Variants in EIF2D observed in about 807,000 individuals in gnomAD.
EIF2D encodes the protein eukaryotic translation initiation factor 2D.
EIF2D carries 56 observed loss-of-function variants against 77.4 expected under a neutral mutation model. The ratio of observed to expected loss-of-function variants is 0.72; its 90% confidence interval spans 0.58 to 0.90. The LOEUF (loss-of-function observed/expected upper bound fraction) is 0.90, where lower values mean the gene tolerates loss of function less well. Ranked by LOEUF, EIF2D falls within the 40% of genes least tolerant of loss-of-function variation. The probability of loss-of-function intolerance (pLI) is 0.00; values close to 1 mark genes in which losing one functional copy is unlikely to be tolerated. For synonymous variants in EIF2D, 230 were observed against 271.0 expected, an observed-to-expected ratio of 0.85 and a Z score of 1.49; for missense variants, 574 against 706.5, an observed-to-expected ratio of 0.81 and a Z score of 2.13.
At chr1:206,580,232 G>A (rs1558521789) in intron 4 of EIF2D, among the ~76,000 whole-genome samples, 2 of 152,210 alleles carry the variant, frequency 1.3e-5, no homozygotes. Context: ...GCTTCTCACT[G>A]TATTCAAAAT....
chr1:206,589,335 G>A (rs146697160), downstream of EIF2D: 385 of 152,900 alleles, frequency 2.5e-3, 2 homozygotes, highest in Non-Finnish European at 4.7e-3. Flanking sequence ...GAGCGGGGGA[G>A]AGAGGGTGAG....
chr1:206,591,686 G>C lies in EIF2D; in HGVS notation c.*89C>G, dbSNP rs1669340560. 1 of 1,155,286 alleles carries C rather than the reference G, an allele frequency of 8.7e-7. No homozygotes were observed. Among genetic ancestry groups the C allele is most frequent in the Non-Finnish European group, 1.3e-6 (1 of 777,008 alleles). 71.6% of individuals were successfully genotyped at this position (1,155,286 alleles called of 1,614,324 possible). A position where few individuals can be genotyped will look rare whatever the true frequency, so the allele number is the denominator to read the frequency against. On this transcript the variant is annotated 3_prime_UTR_variant, in exon 15 of 15. Transcript: ENST00000271764. ...TTATTTTTGTAAAGAATTATATTTT[G>C]TATTTGCAAAAGCTGAAAATGCTCA...
At chr1:206,577,579 C>T (rs904526239) in intron 4 of EIF2D, among the ~76,000 whole-genome samples, 5 of 152,114 alleles carry the variant, frequency 3.3e-5, no homozygotes, top group Admixed American at 2.6e-4. Context: ...GTCAGAAGCC[C>T]AACACACACT....
rs372595769 is a variant in EIF2D, at chr1:206,602,442, C to T, written c.796G>A (p.Glu266Lys). ...TGTAAGAAGCATTGCTGTAACAGCTCATCCATTTGTTCTGCAGGGAAAAGA... is the reference window on the plus strand; with the variant it reads ...TGTAAGAAGCATTGCTGTAACAGCTTATCCATTTGTTCTGCAGGGAAAAGA... ...DSKTLQEQMDELLQQCFLHAL... is the reference protein window; with the variant it reads ...DSKTLQEQMDKLLQQCFLHAL... Residue 266 changes from glutamate to lysine, a missense_variant, in exon 7 of 15, where the codon GAG (glutamate) becomes AAG (lysine). Physicochemically the swap from Glu to Lys is moderately conservative, Grantham distance 56. Transcript: ENST00000271764. The T allele has an allele frequency of 5.0e-6, 8 of 1,613,992 alleles. No individual in the cohort carries two copies. The highest frequency in any genetic ancestry group is 1.3e-5 in the African/African-American group (1 of 74,944).
chr1:206,595,562 C>A (rs1243389715), intron 13 of EIF2D, 156 bp downstream of exon 13: 30 of 881,102 alleles, frequency 3.4e-5, no homozygotes, highest in Non-Finnish European at 4.8e-5. Context: ...CTGTTTCATA[C>A]AGAGCCCAGC....
At chr1:206,583,449 C>T in intron 2 of EIF2D, 1 of 1,044,022 alleles carries the variant, frequency 9.6e-7, no homozygotes, top group Non-Finnish European at 1.5e-6. Flanking sequence ...CCTCTGCCCT[C>T]ACTCTGAATT....
Position 206,609,478 on chromosome 1 carries a change from A to C in EIF2D, c.248-19T>G, listed in dbSNP as rs1232181958. 6.2e-7 allele frequency: 1 copy of C among 1,600,352 alleles called. No homozygotes were observed. Among genetic ancestry groups the C allele is most frequent in the African/African-American group, 1.3e-5 (1 of 74,382 alleles). On this transcript the variant is annotated intron_variant, in intron 2 of 14. Coordinates refer to ENST00000271764, the MANE Select transcript of EIF2D (RefSeq NM_006893.3). ...GTGTACACTGTACAAAAAGAGATCC[A>C]GAAAACACTACTACCAAAAAGCCAA...
chr1:206,583,212 C>A, intron 2 of EIF2D: 2 of 1,178,324 alleles, frequency 1.7e-6, no homozygotes, highest in South Asian at 1.2e-5. Flanking sequence ...CGTGGTTGTT[C>A]CCTTTCTCAC....
chr1:206,570,509 TTACCAATTAAACAGTAACTCCC>T, downstream of EIF2D, among the ~76,000 whole-genome samples: 1 of 152,068 alleles, frequency 6.6e-6, no homozygotes, highest in African/African-American at 2.4e-5. Context: ...CTGAAACTCC[TTACCAATTAAACAGTAACTCCC>T]TACCAATTAA....
Position 206,603,362 on chromosome 1 carries a change from T to G in EIF2D, c.531-158A>C. The G allele has an allele frequency of 3.1e-6, 3 of 962,626 alleles. No homozygotes were observed. In the South Asian group the frequency reaches 5.9e-5, roughly 19 times the overall value. The allele number at this position is 962,626 out of a possible 1,614,324, so 59.6% of individuals were successfully genotyped here. ...GCCTGTGCCCTCATCTCAAGCGTAC[T>G]TTCAATTCTGGGCCCCTAAAAGTTC... On this transcript the variant is annotated intron_variant, in intron 5 of 14. Transcript: ENST00000271764.
rs1193054238 is a variant in EIF2D at position 206,599,644 on chromosome 1, A to C, written c.1053-32T>G. On this transcript the variant is annotated intron_variant, in intron 9 of 14. Coordinates refer to ENST00000271764, the MANE Select transcript of EIF2D (RefSeq NM_006893.3). The surrounding 1 kb of genome is among the most constrained non-coding windows in gnomAD (Gnocchi z 4.1). ...CCCAGCAGAAGGAAAGAAAAAACAC[A>C]TTTTATACTAGCATCTCAGCAATCC... 2 of 1,603,882 alleles carry C rather than the reference A, an allele frequency of 1.2e-6. No homozygotes were observed. The highest frequency in any genetic ancestry group is 1.7e-6 in the Non-Finnish European group (2 of 1,175,716).
At position 206,602,414 on chromosome 1, in the gene EIF2D, G is replaced by A; in HGVS notation, c.824C>T (p.Ala275Val). ...DELLQQCFLH[A>V]LKCRVKKADL... The stretch of plus-strand genomic sequence containing the variant: ...AGCCTTTTTGACTCGGCACTTCAAG[G>A]CATGTAAGAAGCATTGCTGTAACAG... The change falls in exon 7 of 15, where the codon GCC becomes GTC. Residue 275 changes from alanine to valine, a missense_variant. Physicochemically the swap from Ala to Val is moderately conservative, Grantham distance 64. Coordinates refer to ENST00000271764, the MANE Select transcript of EIF2D (RefSeq NM_006893.3). The A allele has an allele frequency of 1.2e-6, 2 of 1,614,226 alleles. No individual in the cohort carries two copies. The highest frequency in any genetic ancestry group is 2.2e-5 in the East Asian group (1 of 44,888).
At chr1:206,590,195 G>A (rs1386496297), downstream of EIF2D, among the ~76,000 whole-genome samples, 1 of 152,174 alleles carries the variant, frequency 6.6e-6, no homozygotes, top group Non-Finnish European at 1.5e-5. Flanking sequence ...CAATGCAAAT[G>A]TGTCACCGTT....
Position 206,591,650 on chromosome 1 carries a change from A to G in EIF2D, c.*125T>C. ...ACAAGAGGGAAGTCAGATTTAGATT[A>G]GAATAAAAATTTATTTTTGTAAAGA... On this transcript the variant is annotated 3_prime_UTR_variant, in exon 15 of 15. Transcript: ENST00000271764. 1.1e-6 allele frequency: 1 copy of G among 883,148 alleles called. No homozygotes were observed. The allele number at this position is 883,148 out of a possible 1,614,324, so 54.7% of individuals were successfully genotyped here.
At position 206,584,922 on chromosome 1, in the gene EIF2D, G is replaced by A. The variant is rs777652254; in HGVS notation, c.139-3760C>T. On this transcript the variant is annotated intron_variant and NMD_transcript_variant, in intron 2 of 5. Coordinates refer to the EIF2D transcript ENST00000472709. This position sits in a 1 kb window ranked among gnomAD's most constrained non-coding sequence, Gnocchi z 4.9. ...CCTAGGCTCCCATTTCCTGATCTGTGCAATGGGAGGAATCTGCCCCACCAT... is the reference window on the plus strand; with the variant it reads ...CCTAGGCTCCCATTTCCTGATCTGTACAATGGGAGGAATCTGCCCCACCAT... 21 of 608,144 alleles carry A rather than the reference G, an allele frequency of 3.5e-5. No homozygotes were observed. The highest frequency in any genetic ancestry group is 3.2e-5 in the Non-Finnish European group (11 of 344,406). 37.7% of individuals were successfully genotyped at this position (608,144 alleles called of 1,614,324 possible). A position where few individuals can be genotyped will look rare whatever the true frequency, so the allele number is the denominator to read the frequency against.
downstream of EIF2D, among the ~76,000 whole-genome samples, chr1:206,590,661 A>G (rs2102269903): frequency 6.6e-6 from 1 of 152,296 alleles, no homozygotes; most frequent in East Asian, 1.9e-4. Context: ...CTGATAACAG[A>G]CGGTAGGAGG....
chr1:206,609,281 C>T (rs1218871417), intron 3 of EIF2D, 95 bp downstream of exon 3: 1 of 1,287,258 alleles, frequency 7.8e-7, no homozygotes, highest in Admixed American at 2.0e-5. Flanking sequence ...ATTTTTCAAC[C>T]ACAAAAACAC....
intron 5 of EIF2D, 70 bp from the exon 6 acceptor site, chr1:206,603,274 T>C: frequency 6.4e-7 from 1 of 1,564,124 alleles, no homozygotes; most frequent in Non-Finnish European, 8.7e-7. Context: ...CACAGAGGAG[T>C]CAGCAGTGAG....
intron 2 of EIF2D, chr1:206,585,236 G>C: frequency 6.2e-7 from 1 of 1,614,176 alleles, no homozygotes; most frequent in Non-Finnish European, 8.5e-7. Flanking sequence ...CCTGCTTGCT[G>C]GGCCTGACAC....
Sources: gnomAD v4.1 joint callset for allele counts (sites outside exome capture counted in the v4.1 genomes callset) on GRCh38, gnomAD v4.1.1 for gene constraint, Gnocchi (gnomAD v3.1) non-coding constraint, MANE v1.5 for transcripts, NCBI Gene and HGNC (gene_info 2026-07-23, HGNC 2026-07-21) for gene names.